Variants in PTPRN2 observed in about 807,000 individuals in gnomAD.
The protein encoded by PTPRN2 is receptor-type tyrosine-protein phosphatase N2.
PTPRN2 carries 74 observed loss-of-function variants against 118.8 expected under a neutral mutation model. The ratio of observed to expected loss-of-function variants is 0.62; its 90% CI spans 0.52 to 0.76. The LOEUF is 0.76. Among genes scored for constraint, PTPRN2 ranks in the 30% least tolerant of loss-of-function variants. The probability of loss-of-function intolerance (pLI) is 0.00; values close to 1 mark genes in which losing one functional copy is unlikely to be tolerated. For missense variants in PTPRN2, 1,481 were observed against 1,394.4 expected, an observed-to-expected ratio of 1.06 and a Z score of -0.99; for synonymous variants, 641 against 608.0, an observed-to-expected ratio of 1.05 and a Z score of -0.80.
chr7:157,597,486 T>TGTG lies in PTPRN2; in HGVS notation c.2419-2172_2419-2171insCAC, dbSNP rs35747463. ...CCTTCTGAAATGTGTGTGTGTGTGTTTTTTTTTTTGCCCAGAGCAATTTCT... is the reference window on the plus strand; with the variant it reads ...CCTTCTGAAATGTGTGTGTGTGTGTTGTGTTTTTTTTTGCCCAGAGCAATTTCT... On this transcript the variant is annotated intron_variant, in intron 16 of 22. Coordinates refer to ENST00000389418, the MANE Select transcript of PTPRN2 (RefSeq NM_002847.5). Among the ~76,000 whole-genome samples, 580 of 145,544 alleles carry TGTG rather than the reference T, an allele frequency of 4.0e-3. 3 individuals carry two copies. Among genetic ancestry groups the TGTG allele is most frequent in the African/African-American group, 0.015 (558 of 38,066 alleles).
In PTPRN2 at chr7:158,277,333, G is replaced by A. The variant is rs531413470; in HGVS notation, c.277+39486C>T. ...CACCTCAGCCACAACGGGCAGTCAG[G>A]GCTTCAGCCACTCCACGGGCACCAA... On this transcript the variant is annotated intron_variant, in intron 3 of 22. Transcript: ENST00000389418. 5.4e-4 allele frequency among the ~76,000 whole-genome samples: 82 copies of A among 152,294 alleles called. 1 individual carries two copies. Among genetic ancestry groups the A allele is most frequent in the African/African-American group, 1.7e-3 (71 of 41,542 alleles).
At chr7:158,094,271 C>A (rs923849552) in intron 10 of PTPRN2, among the ~76,000 whole-genome samples, 12 of 152,222 alleles carry the variant, frequency 7.9e-5, no homozygotes, top group Middle Eastern at 3.4e-3. Flanking sequence ...TCGCCATTCC[C>A]GAAGGACCAG....
At chr7:158,462,993 T>C (rs1307460223) in intron 2 of PTPRN2, among the ~76,000 whole-genome samples, 1 of 152,296 alleles carries the variant, frequency 6.6e-6, no homozygotes, top group Non-Finnish European at 1.5e-5. Flanking sequence ...TTAGCAGTGA[T>C]GATTTGAACT....
Position 157,874,606 on chromosome 7 carries a change from C to T in PTPRN2, c.1788+24067G>A, listed in dbSNP as rs572291604. Among the ~76,000 whole-genome samples, 4 of 152,322 alleles carry T rather than the reference C, an allele frequency of 2.6e-5. No individual in the cohort carries two copies. The highest frequency in any genetic ancestry group is 1.3e-4 in the Admixed American group (2 of 15,308). Reference sequence around the variant, plus strand: ...TCCTACTCGCTCCACAGACAGCTCCCGGGGTCCGGGGAGAAGCGGAGGGGG... The same window carrying T: ...TCCTACTCGCTCCACAGACAGCTCCTGGGGTCCGGGGAGAAGCGGAGGGGG... On this transcript the variant is annotated intron_variant, in intron 12 of 22. Transcript: ENST00000389418. The surrounding 1 kb of genome is among the most constrained non-coding windows in gnomAD (Gnocchi z 5.8).
chr7:158,584,510 T>C (rs918147965), intron 1 of PTPRN2, among the ~76,000 whole-genome samples: 1 of 152,182 alleles, frequency 6.6e-6, no homozygotes, highest in Non-Finnish European at 1.5e-5. Context: ...CAAGCAAAGC[T>C]GAATCGTGTC....
chr7:158,105,913 A>G (rs1052278170), intron 10 of PTPRN2, among the ~76,000 whole-genome samples: 29 of 147,592 alleles, frequency 2.0e-4, no homozygotes, highest in African/African-American at 7.3e-4. Flanking sequence ...TCACTACTCC[A>G]TCTCATCTCC....
At position 157,545,511 on chromosome 7, in the gene PTPRN2, A is replaced by G. The variant is rs575036243; in HGVS notation, c.2976+3435T>C. ...GCGCAGTGTGCAGGTGTGTGGGTGT[A>G]CACAGTGTGTGTGGCTGAGTGTGCC... On this transcript the variant is annotated intron_variant, in intron 22 of 22. Coordinates refer to ENST00000389418, the MANE Select transcript of PTPRN2 (RefSeq NM_002847.5). 7.3e-5 allele frequency among the ~76,000 whole-genome samples: 11 copies of G among 151,458 alleles called. No individual in the cohort carries two copies. In the South Asian group the frequency reaches 2.1e-3, roughly 29 times the overall value.
chr7:158,222,041 G>C (rs1009827707), intron 3 of PTPRN2, among the ~76,000 whole-genome samples: 3 of 152,154 alleles, frequency 2.0e-5, no homozygotes, highest in Non-Finnish European at 4.4e-5. Flanking sequence ...TTTCACATGA[G>C]CCAGAATGAA....
chr7:157,721,863 G>A (rs1220230347), intron 12 of PTPRN2, among the ~76,000 whole-genome samples: 1 of 152,186 alleles, frequency 6.6e-6, no homozygotes, highest in Non-Finnish European at 1.5e-5. Flanking sequence ...TATTCATCGT[G>A]TTACAGAGCA....
At chr7:158,530,379 C>T (rs534239617) in intron 1 of PTPRN2, among the ~76,000 whole-genome samples, 2 of 152,278 alleles carry the variant, frequency 1.3e-5, no homozygotes, top group African/African-American at 4.8e-5. Flanking sequence ...GGGAAGGTGG[C>T]AATTTGCGGA....
At position 158,003,863 on chromosome 7, in the gene PTPRN2, C is replaced by T. The variant is rs1270328485; in HGVS notation, c.1723+77435G>A. Among the ~76,000 whole-genome samples the T allele has an allele frequency of 2.6e-5, 4 of 152,226 alleles. No homozygotes were observed. On this transcript the variant is annotated intron_variant, in intron 11 of 22. Coordinates refer to ENST00000389418, the MANE Select transcript of PTPRN2 (RefSeq NM_002847.5). This position sits in a 1 kb window ranked among gnomAD's most constrained non-coding sequence, Gnocchi z 5.0. ...GCTTGTCTAATGACTCTGAGAGCAT[C>T]TATTAATTTCATCACTGTTGCCGAC...
At chr7:158,132,265 T>C (rs1253315675) in intron 9 of PTPRN2, among the ~76,000 whole-genome samples, 1 of 140,028 alleles carries the variant, frequency 7.1e-6, no homozygotes, top group African/African-American at 2.7e-5. Context: ...ACATACACAC[T>C]CATACACACA....
chr7:158,517,635 CCCCTGCCTTTAG>C lies in PTPRN2; in HGVS notation c.113-27862_113-27851del, dbSNP rs1157346558. On this transcript the variant is annotated intron_variant, in intron 1 of 22. Transcript: ENST00000389418. The surrounding 1 kb of genome is among the most constrained non-coding windows in gnomAD (Gnocchi z 5.3). ...CTGAGCTGCAATGCCCTCAGGCAGT[CCCCTGCCTTTAG>C]GGTGGAGTCCAAGCCAGCCTCATGG... Among the ~76,000 whole-genome samples the C allele has an allele frequency of 6.6e-6, 1 of 152,186 alleles. No individual in the cohort carries two copies. Among genetic ancestry groups the C allele is most frequent in the Non-Finnish European group, 1.5e-5 (1 of 68,038 alleles).
intron 13 of PTPRN2, among the ~76,000 whole-genome samples, chr7:157,680,814 T>C (rs1922739): frequency 0.81 from 122,619 of 152,258 alleles, 50,232 homozygotes; most frequent in Non-Finnish European, 0.88. Context: ...AAGTTTTTTT[T>C]CCTTTTTATT....
chr7:158,363,574 C>T (rs1200603383), intron 2 of PTPRN2, among the ~76,000 whole-genome samples: 2 of 152,206 alleles, frequency 1.3e-5, no homozygotes, highest in Non-Finnish European at 2.9e-5. Flanking sequence ...TTGATCGTCA[C>T]ATTTCCCAGA....
chr7:157,958,705 G>A (rs1458640433), intron 11 of PTPRN2, among the ~76,000 whole-genome samples: 2 of 152,146 alleles, frequency 1.3e-5, no homozygotes, highest in Admixed American at 6.5e-5. Flanking sequence ...TAACTAAGGA[G>A]GTGAAGGACA....
intron 1 of PTPRN2, among the ~76,000 whole-genome samples, chr7:158,554,395 T>C (rs1485103011): frequency 6.6e-6 from 1 of 152,196 alleles, no homozygotes; most frequent in African/African-American, 2.4e-5. Flanking sequence ...TCTTTACCAG[T>C]ATGGTAAAGA....
rs1035529025 is a variant in PTPRN2 at position 158,570,051 on chromosome 7, C to A, written c.112+17507G>T. Among the ~76,000 whole-genome samples the A allele has an allele frequency of 2.0e-5, 3 of 152,168 alleles. No individual in the cohort carries two copies. The highest frequency in any genetic ancestry group is 7.2e-5 in the African/African-American group (3 of 41,464). Reference sequence around the variant, plus strand: ...CTTTCCTCCCTCGCGTTCCCTCAGGCGCGTCCTCCACCCGTTTCCCCCAGG... The same window carrying A: ...CTTTCCTCCCTCGCGTTCCCTCAGGAGCGTCCTCCACCCGTTTCCCCCAGG... On this transcript the variant is annotated intron_variant, in intron 1 of 22. Coordinates refer to ENST00000389418, the MANE Select transcript of PTPRN2 (RefSeq NM_002847.5). This position sits in a 1 kb window ranked among gnomAD's most constrained non-coding sequence, Gnocchi z 4.5.
chr7:157,922,583 T>G (rs1798746516), intron 11 of PTPRN2, among the ~76,000 whole-genome samples: 1 of 103,178 alleles, frequency 9.7e-6, no homozygotes, highest in African/African-American at 3.3e-5. Context: ...TCTCTTTAGT[T>G]GGACACAAAC....
Sources: allele counts gnomAD v4.1 joint callset (sites outside exome capture counted in the v4.1 genomes callset), GRCh38; gene constraint gnomAD v4.1.1; non-coding constraint Gnocchi (gnomAD v3.1); transcripts MANE v1.5; gene names NCBI Gene and HGNC (gene_info 2026-07-23, HGNC 2026-07-21).